Variants in ARL15 observed in about 807,000 individuals in gnomAD.
ARL15 encodes the protein ADP-ribosylation factor-like protein 15.
ARL15 carries 19 observed loss-of-function variants against 25.2 expected under a neutral mutation model. The observed-to-expected ratio is 0.75, with a 90% confidence interval of 0.53 to 1.10. The LOEUF (loss-of-function observed/expected upper bound fraction) is 1.10, where lower values mean the gene tolerates loss of function less well. Among genes scored for constraint, ARL15 ranks in the 50% least tolerant of loss-of-function variants. ARL15 has a pLI of 0.00. For missense variants in ARL15, 220 were observed against 246.0 expected (o/e 0.89, Z 0.71); for synonymous variants, 94 against 86.8 (o/e 1.08, Z -0.46).
chr5:54,172,796 A>G (rs376921648), intron 1 of ARL15, among the ~76,000 whole-genome samples: 4 of 152,186 alleles, frequency 2.6e-5, no homozygotes, highest in South Asian at 2.1e-4. Context: ...AAATACAAAA[A>G]TTTTTAAAAT....
At chr5:54,169,560 A>G (rs2112394879) in intron 2 of ARL15, among the ~76,000 whole-genome samples, 1 of 152,340 alleles carries the variant, frequency 6.6e-6, no homozygotes, top group East Asian at 1.9e-4. Flanking sequence ...GGGCTGTTAT[A>G]AGGCTAACAG....
At chr5:53,922,328 C>T (rs1452513248) in intron 4 of ARL15, among the ~76,000 whole-genome samples, 1 of 152,126 alleles carries the variant, frequency 6.6e-6, no homozygotes, top group Non-Finnish European at 1.5e-5. Context: ...GCCCTAGGAC[C>T]AGGAGAAGAA....
chr5:54,175,468 G>A (rs1421627183), intron 1 of ARL15, among the ~76,000 whole-genome samples: 2 of 151,754 alleles, frequency 1.3e-5, no homozygotes, highest in Non-Finnish European at 2.9e-5. Context: ...CTGAGTAGCT[G>A]GGATTACAGG....
intron 3 of ARL15, among the ~76,000 whole-genome samples, chr5:54,152,005 AT>A (rs1467201898): frequency 6.6e-6 from 1 of 152,090 alleles, no homozygotes; most frequent in Non-Finnish European, 1.5e-5. Flanking sequence ...CTCACTAAGA[AT>A]TCATCACTGT....
intron 4 of ARL15, among the ~76,000 whole-genome samples, chr5:54,050,326 T>C (rs1750666095): frequency 6.6e-6 from 1 of 152,230 alleles, no homozygotes; most frequent in African/African-American, 2.4e-5. Context: ...AATTGTGCAG[T>C]TCTTGTTGCT....
chr5:53,993,915 T>C (rs1748584821), intron 4 of ARL15, among the ~76,000 whole-genome samples: 1 of 152,214 alleles, frequency 6.6e-6, no homozygotes, highest in African/African-American at 2.4e-5. Context: ...CAGAACCTTA[T>C]TACCAACATG....
At chr5:54,151,991 A>T (rs1313921152) in intron 3 of ARL15, among the ~76,000 whole-genome samples, 6 of 152,110 alleles carry the variant, frequency 3.9e-5, no homozygotes, top group Non-Finnish European at 8.8e-5. Flanking sequence ...CTACCTGGGC[A>T]TTCCTCACTA....
At chr5:54,062,922 G>A (rs1456546605) in intron 4 of ARL15, among the ~76,000 whole-genome samples, 2 of 152,184 alleles carry the variant, frequency 1.3e-5, no homozygotes, top group African/African-American at 4.8e-5. Flanking sequence ...AAGATAGAGA[G>A]ATCCAGGACT....
At chr5:53,890,439 C>A (rs944392977) in intron 4 of ARL15, among the ~76,000 whole-genome samples, 1 of 152,086 alleles carries the variant, frequency 6.6e-6, no homozygotes, top group Non-Finnish European at 1.5e-5. Context: ...AGAACATGAA[C>A]CTAAATCTTT....
chr5:53,910,788 C>T (rs1474109348), intron 4 of ARL15, among the ~76,000 whole-genome samples: 1 of 151,124 alleles, frequency 6.6e-6, no homozygotes, highest in Non-Finnish European at 1.5e-5. Context: ...GATTCCCCTG[C>T]CCTTTCGTTT....
At chr5:53,991,034 C>T (rs1037830304) in intron 4 of ARL15, among the ~76,000 whole-genome samples, 1 of 152,042 alleles carries the variant, frequency 6.6e-6, no homozygotes, top group African/African-American at 2.4e-5. Flanking sequence ...TAATTCCTCT[C>T]ACTCCCTACC....
At chr5:54,188,872 T>C (rs768411500) in intron 1 of ARL15, among the ~76,000 whole-genome samples, 1 of 152,184 alleles carries the variant, frequency 6.6e-6, no homozygotes, top group Non-Finnish European at 1.5e-5. Context: ...CTATTAATTT[T>C]AAATTTCTTA....
chr5:53,963,597 C>T (rs1347967047), intron 4 of ARL15, among the ~76,000 whole-genome samples: 2 of 152,144 alleles, frequency 1.3e-5, no homozygotes, highest in African/African-American at 4.8e-5. Flanking sequence ...CACCTGAGGT[C>T]AGGAGTTCAA....
intron 4 of ARL15, among the ~76,000 whole-genome samples, chr5:53,962,670 A>G (rs1747409947): frequency 6.6e-6 from 1 of 152,168 alleles, no homozygotes; most frequent in Non-Finnish European, 1.5e-5. Context: ...GAAATAATTC[A>G]TAGTAGTGTT....
chr5:54,244,735 T>C (rs1325478952), intron 1 of ARL15, among the ~76,000 whole-genome samples: 1 of 151,822 alleles, frequency 6.6e-6, no homozygotes, highest in African/African-American at 2.4e-5. Flanking sequence ...TCCCTCCCCA[T>C]CATTATCACC....
chr5:54,299,423 C>G (rs902333264), intron 1 of ARL15, among the ~76,000 whole-genome samples: 16 of 152,100 alleles, frequency 1.1e-4, no homozygotes, highest in African/African-American at 3.9e-4. Context: ...TCCACCATGT[C>G]TTAGGCACAA....
chr5:53,892,595 C>A (rs868183862), intron 4 of ARL15, among the ~76,000 whole-genome samples: 16 of 146,592 alleles, frequency 1.1e-4, no homozygotes, highest in Non-Finnish European at 1.6e-4. Flanking sequence ...TTTATTATTA[C>A]TGTTACTTTT....
chr5:54,127,300 G>A (rs1249641862), intron 3 of ARL15, among the ~76,000 whole-genome samples: 1 of 152,124 alleles, frequency 6.6e-6, no homozygotes, highest in Non-Finnish European at 1.5e-5. Flanking sequence ...TCCTTAAGCT[G>A]ATAAGCAACT....
intron 3 of ARL15, among the ~76,000 whole-genome samples, chr5:54,132,906 G>A (rs767271096): frequency 6.6e-4 from 100 of 151,834 alleles, no homozygotes; most frequent in Non-Finnish European, 1.2e-3. Context: ...TGTATCTTGT[G>A]GTATGGTACC....
Sources: gnomAD v4.1 joint callset for allele counts (sites outside exome capture counted in the v4.1 genomes callset) on GRCh38, gnomAD v4.1.1 for gene constraint, MANE v1.5 for transcripts, NCBI Gene and HGNC (gene_info 2026-07-23, HGNC 2026-07-21) for gene names.